The following RFC3 variants were observed in gnomAD, a reference collection of about 807,000 sequenced individuals.
The protein encoded by RFC3 is A1 38 kDa subunit.
A neutral mutation model predicts 45.1 loss-of-function variants in RFC3; 41 were observed. The ratio of observed to expected loss-of-function variants is 0.91; its 90% CI spans 0.71 to 1.18. The LOEUF (loss-of-function observed/expected upper bound fraction) is 1.18, where lower values mean the gene tolerates loss of function less well. Ranked by LOEUF, RFC3 falls within the 50% of genes most tolerant of loss-of-function variation. The probability of loss-of-function intolerance (pLI) is 0.00; values close to 1 mark genes in which losing one functional copy is unlikely to be tolerated. For synonymous variants in RFC3, 149 were observed against 144.0 expected (o/e 1.03, Z -0.25); for missense variants, 423 against 428.1 (o/e 0.99, Z 0.10).
intron 8 of RFC3, among the ~76,000 whole-genome samples, chr13:33,962,323 CA>C (rs1337002157): frequency 6.6e-6 from 1 of 152,164 alleles, no homozygotes; most frequent in Non-Finnish European, 1.5e-5. Flanking sequence ...GGTCCCAGCT[CA>C]TCCTGTCTCC....
At chr13:33,965,268 A>T (rs2083080470) in intron 8 of RFC3, among the ~76,000 whole-genome samples, 1 of 152,188 alleles carries the variant, frequency 6.6e-6, no homozygotes, top group African/African-American at 2.4e-5. Flanking sequence ...GGATGATAAA[A>T]ATAATACAGT....
intron 8 of RFC3, among the ~76,000 whole-genome samples, chr13:33,870,592 T>C (rs1424139118): frequency 6.6e-6 from 1 of 152,218 alleles, no homozygotes; most frequent in African/African-American, 2.4e-5. Flanking sequence ...GGGTGAAGGC[T>C]GCTGCAGGAC....
chr13:33,940,211 T>TA (rs1209175592), intron 8 of RFC3, among the ~76,000 whole-genome samples: 2 of 152,218 alleles, frequency 1.3e-5, no homozygotes, highest in Non-Finnish European at 2.9e-5. Flanking sequence ...TTTAATATGT[T>TA]AATCAAATGT....
At chr13:33,958,816 C>G (rs1255119322) in intron 8 of RFC3, among the ~76,000 whole-genome samples, 2 of 152,148 alleles carry the variant, frequency 1.3e-5, no homozygotes, top group Non-Finnish European at 2.9e-5. Flanking sequence ...CTTGGCTGCC[C>G]TACCCCCATG....
chr13:33,912,543 T>C (rs1003888792), intron 8 of RFC3, among the ~76,000 whole-genome samples: 1 of 152,018 alleles, frequency 6.6e-6, no homozygotes, highest in East Asian at 1.9e-4. Context: ...GGCAGTGGCC[T>C]GGAGGCAAGA....
intron 8 of RFC3, chr13:33,847,396 TC>T (rs748273720): frequency 6.6e-6 from 1 of 152,200 alleles, no homozygotes; most frequent in African/African-American, 2.4e-5. Flanking sequence ...AATTTGGTGT[TC>T]CTGCGGTGGG....
chr13:33,829,814 G>A (rs1163347488), intron 4 of RFC3, 22 bp from the exon 5 acceptor site: 7 of 1,604,130 alleles, frequency 4.4e-6, no homozygotes, highest in African/African-American at 1.3e-5. Context: ...GTTAAAGTTT[G>A]TTTTGTTTCT....
intron 8 of RFC3, among the ~76,000 whole-genome samples, chr13:33,891,765 A>G (rs145752930): frequency 2.0e-5 from 3 of 152,318 alleles, no homozygotes; most frequent in Non-Finnish European, 2.9e-5. Context: ...TGTCAAATAT[A>G]TATGTATAGA....
intron 8 of RFC3, among the ~76,000 whole-genome samples, chr13:33,956,334 G>C (rs2083021737): frequency 6.6e-6 from 1 of 152,210 alleles, no homozygotes; most frequent in South Asian, 2.1e-4. Flanking sequence ...CTAAGTATTA[G>C]TTTAATCTGA....
chr13:33,910,401 T>C (rs1412419582), intron 8 of RFC3, among the ~76,000 whole-genome samples: 1 of 152,068 alleles, frequency 6.6e-6, no homozygotes, highest in African/African-American at 2.4e-5. Context: ...ATTTTGGGAG[T>C]GCTTGGCACA....
intron 8 of RFC3, among the ~76,000 whole-genome samples, chr13:33,855,435 G>A (rs755720865): frequency 6.6e-6 from 1 of 152,114 alleles, no homozygotes; most frequent in Non-Finnish European, 1.5e-5. Context: ...GTGCTGCAGT[G>A]AACGTATGTG....
intron 8 of RFC3, among the ~76,000 whole-genome samples, chr13:33,878,212 G>A (rs1566013220): frequency 1.3e-5 from 2 of 152,282 alleles, no homozygotes; most frequent in East Asian, 1.9e-4. Context: ...ACGTGTCTTT[G>A]TACAGTGATT....
intron 8 of RFC3, among the ~76,000 whole-genome samples, chr13:33,851,629 AG>A (rs1381505947): frequency 6.6e-6 from 1 of 152,022 alleles, no homozygotes; most frequent in Non-Finnish European, 1.5e-5. Flanking sequence ...TTGCTGTCTC[AG>A]GGGTGGCAGA....
At chr13:33,962,556 A>G (rs1164502656) in intron 8 of RFC3, among the ~76,000 whole-genome samples, 1 of 152,204 alleles carries the variant, frequency 6.6e-6, no homozygotes, top group Non-Finnish European at 1.5e-5. Flanking sequence ...ATCCTAAGGA[A>G]CCAATCAGAG....
intron 3 of RFC3, among the ~76,000 whole-genome samples, chr13:33,825,173 T>C (rs182401232): frequency 6.6e-6 from 1 of 152,324 alleles, no homozygotes; most frequent in East Asian, 1.9e-4. Context: ...GAGAGGTCTT[T>C]GACTGAAGTG....
chr13:33,858,611 T>TA (rs2082321706), intron 8 of RFC3, among the ~76,000 whole-genome samples: 1 of 152,186 alleles, frequency 6.6e-6, no homozygotes, highest in Non-Finnish European at 1.5e-5. Flanking sequence ...AGGCACCTGA[T>TA]ACACTTTTAC....
At chr13:33,928,518 C>T (rs955137982) in intron 8 of RFC3, among the ~76,000 whole-genome samples, 5 of 151,990 alleles carry the variant, frequency 3.3e-5, no homozygotes, top group Admixed American at 1.3e-4. Flanking sequence ...ACAAATTGGG[C>T]ATGTTGAGGT....
In RFC3 at chr13:33,894,664, C is replaced by T. The variant is rs2082585755; in HGVS notation, c.879+59447C>T. Reference sequence around the variant, plus strand: ...CTGGGGCAATTTTGGGTTCTGAGCGCAGATTGTCTGGAACCTAGCTAGCTG... The same window carrying T: ...CTGGGGCAATTTTGGGTTCTGAGCGTAGATTGTCTGGAACCTAGCTAGCTG... On this transcript the variant is annotated intron_variant, in intron 8 of 8. Coordinates refer to the RFC3 transcript ENST00000434425. Among the ~76,000 whole-genome samples, 4 of 152,092 alleles carry T rather than the reference C, an allele frequency of 2.6e-5. No individual in the cohort carries two copies. The South Asian group carries it at 8.3e-4, about 31-fold the overall frequency.
At chr13:33,879,990 T>C (rs1400614721) in intron 8 of RFC3, among the ~76,000 whole-genome samples, 4 of 152,186 alleles carry the variant, frequency 2.6e-5, no homozygotes, top group African/African-American at 9.7e-5. Flanking sequence ...CTTTTCCCCT[T>C]CTCTTCCACT....
Sources: allele counts gnomAD v4.1 joint callset (sites outside exome capture counted in the v4.1 genomes callset), GRCh38; gene constraint gnomAD v4.1.1; transcripts MANE v1.5; gene names NCBI Gene and HGNC (gene_info 2026-07-23, HGNC 2026-07-21).